The following SRRM4 variants were observed in gnomAD, a reference collection of about 807,000 sequenced individuals.
The protein encoded by SRRM4 is serine/arginine repetitive matrix protein 4.
In SRRM4, 33 loss-of-function variants were observed where a neutral mutation model predicts 68.9. The observed-to-expected ratio is 0.48, with a 90% CI of 0.36 to 0.64. The LOEUF is 0.64. Ranked by LOEUF, SRRM4 falls within the 30% of genes least tolerant of loss-of-function variation. SRRM4 has a pLI of 0.00. For synonymous variants in SRRM4, 318 were observed against 318.8 expected, an observed-to-expected ratio of 1.00 and a Z score of 0.03; for missense variants, 817 against 827.1, an observed-to-expected ratio of 0.99 and a Z score of 0.15.
intron 8 of SRRM4, among the ~76,000 whole-genome samples, chr12:119,141,682 C>T (rs1016397875): frequency 3.3e-5 from 5 of 152,224 alleles, no homozygotes; most frequent in Non-Finnish European, 7.3e-5. Flanking sequence ...GCAAAATTTA[C>T]TGAGTGCCTA....
At chr12:119,033,595 C>T (rs777232267) in intron 1 of SRRM4, among the ~76,000 whole-genome samples, 2 of 150,956 alleles carry the variant, frequency 1.3e-5, no homozygotes, top group Non-Finnish European at 2.9e-5. Flanking sequence ...ACCCAAGAGG[C>T]GGAGGTCGCC....
intron 9 of SRRM4, 31 bp downstream of exon 9, chr12:119,145,716 C>T (rs548284933): frequency 2.2e-5 from 32 of 1,464,294 alleles, no homozygotes; most frequent in Admixed American, 1.0e-4. Context: ...CGGGGGTAGA[C>T]GGTCTCCCAC....
chr12:119,127,927 C>T (rs1380972414), intron 7 of SRRM4, among the ~76,000 whole-genome samples: 3 of 152,130 alleles, frequency 2.0e-5, no homozygotes, highest in East Asian at 1.9e-4. Flanking sequence ...TTGTCTACTT[C>T]GGCTGCCCTT....
chr12:119,014,173 T>G (rs978563755), intron 1 of SRRM4, among the ~76,000 whole-genome samples: 1 of 152,214 alleles, frequency 6.6e-6, no homozygotes, highest in Non-Finnish European at 1.5e-5. Flanking sequence ...CCTTTTCATG[T>G]CTTTCATCCG....
chr12:119,136,367 T>C (rs1954328135), intron 8 of SRRM4, among the ~76,000 whole-genome samples: 1 of 152,166 alleles, frequency 6.6e-6, no homozygotes, highest in African/African-American at 2.4e-5. Flanking sequence ...GGAGACACAA[T>C]ATCCAACATT....
intron 8 of SRRM4, among the ~76,000 whole-genome samples, chr12:119,143,155 C>T (rs1301661228): frequency 6.6e-6 from 1 of 152,182 alleles, no homozygotes; most frequent in Admixed American, 6.5e-5. Flanking sequence ...TCCTGCCTCC[C>T]CAGCCCCAGG....
chr12:119,045,386 A>G (rs558300064), intron 1 of SRRM4, among the ~76,000 whole-genome samples: 30 of 150,128 alleles, frequency 2.0e-4, no homozygotes, highest in African/African-American at 7.4e-4. Flanking sequence ...TCCCTTCCAT[A>G]AGGAGAAAGG....
chr12:119,101,909 A>G (rs1954079850), intron 1 of SRRM4, among the ~76,000 whole-genome samples: 1 of 152,130 alleles, frequency 6.6e-6, no homozygotes, highest in Admixed American at 6.5e-5. Context: ...GGTTTAACCT[A>G]ATTTCAGTTA....
intron 1 of SRRM4, among the ~76,000 whole-genome samples, chr12:119,012,952 A>G (rs967473964): frequency 6.6e-6 from 1 of 152,174 alleles, no homozygotes; most frequent in Admixed American, 6.5e-5. Flanking sequence ...GGTGTTTTAC[A>G]TCAACCTGGG....
intron 1 of SRRM4, among the ~76,000 whole-genome samples, chr12:118,995,520 T>C (rs1953343463): frequency 6.6e-6 from 1 of 152,214 alleles, no homozygotes; most frequent in South Asian, 2.1e-4. Context: ...GCTCAGGATA[T>C]CTGTCCACCT....
chr12:119,046,173 C>T (rs748342891), intron 1 of SRRM4, among the ~76,000 whole-genome samples: 10 of 152,180 alleles, frequency 6.6e-5, no homozygotes, highest in East Asian at 1.9e-4. Context: ...TTGATCTCTT[C>T]TCAGCCTGGG....
intron 1 of SRRM4, among the ~76,000 whole-genome samples, chr12:119,029,285 C>T (rs551249995): frequency 2.6e-5 from 4 of 152,270 alleles, no homozygotes; most frequent in Non-Finnish European, 4.4e-5. Context: ...GAAAATGATA[C>T]TATTCTAAGA....
chr12:119,022,322 CCACTCTGTGCTCAG>C (rs1565891143), intron 1 of SRRM4, among the ~76,000 whole-genome samples: 1 of 151,966 alleles, frequency 6.6e-6, no homozygotes, highest in African/African-American at 2.4e-5. Context: ...TTGTCAAGAC[CCACTCTGTGCTCAG>C]CACTGGTCTA....
intron 1 of SRRM4, among the ~76,000 whole-genome samples, chr12:119,040,924 AT>A (rs201660873): frequency 0.11 from 16,428 of 146,226 alleles, 1,020 homozygotes; most frequent in East Asian, 0.26. Context: ...TAATTTTTGT[AT>A]TTTTTTTTTT....
At chr12:119,010,099 C>T (rs765072368) in intron 1 of SRRM4, among the ~76,000 whole-genome samples, 12 of 152,208 alleles carry the variant, frequency 7.9e-5, no homozygotes, top group Admixed American at 4.6e-4. Context: ...GTCACCCAGG[C>T]TGGAGTGCAA....
chr12:119,017,024 A>C (rs1188729489), intron 1 of SRRM4, among the ~76,000 whole-genome samples: 2 of 152,252 alleles, frequency 1.3e-5, no homozygotes. Flanking sequence ...TGGAATATGA[A>C]AAGTACTATC....
At chr12:119,005,168 T>G (rs971141643) in intron 1 of SRRM4, among the ~76,000 whole-genome samples, 1 of 152,176 alleles carries the variant, frequency 6.6e-6, no homozygotes, top group Non-Finnish European at 1.5e-5. Flanking sequence ...CTTCTGGAGC[T>G]CTCAGCTCAA....
chr12:119,156,731 GGAGCCGGAGCAGGAGCCA>G lies in SRRM4; in HGVS notation c.1780_1797del (p.Arg594_Ser599del). 6.5e-7 allele frequency: 1 copy of G among 1,547,108 alleles called. No individual in the cohort carries two copies. Among genetic ancestry groups the G allele is most frequent in the Non-Finnish European group, 8.7e-7 (1 of 1,146,532 alleles). ...CGGAGCCGGAGCAGGAGCCGGAGCC[GGAGCCGGAGCAGGAGCCA>G]GAGCCGGAGCTACAGCTCAGCAGAC... On this transcript the variant is annotated inframe_deletion, in exon 13 of 13. Transcript: ENST00000267260.
chr12:119,120,099 C>G, intron 4 of SRRM4, 151 bp from the exon 5 acceptor site: 6 of 522,842 alleles, frequency 1.1e-5, no homozygotes, highest in Middle Eastern at 5.3e-4. Context: ...TTACGTTTTC[C>G]CCTCCCTCCC....
Sources: allele counts gnomAD v4.1 joint callset (sites outside exome capture counted in the v4.1 genomes callset), GRCh38; gene constraint gnomAD v4.1.1; transcripts MANE v1.5; gene names NCBI Gene and HGNC (gene_info 2026-07-23, HGNC 2026-07-21).